Variants in DOCK10 observed in about 807,000 individuals in gnomAD.
The protein encoded by DOCK10 is dedicator of cytokinesis 10.
A neutral mutation model predicts 280.1 loss-of-function variants in DOCK10; 145 were observed. The observed-to-expected ratio is 0.52, with a 90% confidence interval of 0.45 to 0.59. The LOEUF (loss-of-function observed/expected upper bound fraction) is 0.59, where lower values mean the gene tolerates loss of function less well. Among genes scored for constraint, DOCK10 ranks in the 20% least tolerant of loss-of-function variants. DOCK10 has a pLI of 0.00. For synonymous variants in DOCK10, 915 were observed against 942.2 expected, an observed-to-expected ratio of 0.97 and a Z score of 0.53; for missense variants, 2,368 against 2,651.7, an observed-to-expected ratio of 0.89 and a Z score of 2.35.
At chr2:224,912,923 G>A (rs1459069457) in intron 3 of DOCK10, among the ~76,000 whole-genome samples, 2 of 152,130 alleles carry the variant, frequency 1.3e-5, no homozygotes, top group African/African-American at 4.8e-5. Flanking sequence ...CTACTTGGGA[G>A]GCTAAAGCAG....
intron 11 of DOCK10, 39 bp from the exon 12 acceptor site, chr2:224,865,126 A>G: frequency 6.3e-7 from 1 of 1,587,198 alleles, no homozygotes. Context: ...TTGATATAAA[A>G]TCATTATCCA....
Position 224,787,314 on chromosome 2 carries a change from C to G in DOCK10, c.5502G>C (p.Lys1834Asn), listed in dbSNP as rs1691801359. The change falls in exon 49 of 56, where the codon AAG (lysine) becomes AAC (asparagine). Residue 1834 changes from lysine to asparagine, a missense_variant. By Grantham distance (94) the Lys-to-Asn change is moderately conservative. Around this residue, in one of 2 missense-constraint regions of DOCK10, gnomAD observed 1,159 missense variants for 1,400.8 expected, o/e 0.83. Coordinates refer to ENST00000258390, the MANE Select transcript of DOCK10 (RefSeq NM_014689.3). ...ERYELIADVN[K>N]PIIAVFEKQR... ...GTTTCTCAAAGACAGCAATGATGGG[C>G]TTGTTGACATCAGCAATGAGTTCAT... 6.2e-7 allele frequency: 1 copy of G among 1,613,846 alleles called. No individual in the cohort carries two copies. Among genetic ancestry groups the G allele is most frequent in the Admixed American group, 1.7e-5 (1 of 60,004 alleles).
intron 1 of DOCK10, among the ~76,000 whole-genome samples, chr2:225,020,368 T>A (rs1373600967): frequency 6.6e-6 from 1 of 152,290 alleles, no homozygotes; most frequent in Non-Finnish European, 1.5e-5. Context: ...TAAAATGTGG[T>A]GAACACACTG....
intron 25 of DOCK10, among the ~76,000 whole-genome samples, chr2:224,836,057 C>T (rs767265440): frequency 3.3e-5 from 5 of 152,148 alleles, no homozygotes; most frequent in Admixed American, 1.3e-4. Flanking sequence ...GTCACAACAC[C>T]GGAGGGTTCT....
At chr2:224,843,068 G>A (rs768658420) in intron 22 of DOCK10, among the ~76,000 whole-genome samples, 27 of 152,160 alleles carry the variant, frequency 1.8e-4, no homozygotes, top group Admixed American at 3.9e-4. Flanking sequence ...GCCACGGTGC[G>A]GGTGGGGGTG....
intron 1 of DOCK10, among the ~76,000 whole-genome samples, chr2:224,966,679 G>C (rs1426067505): frequency 1.3e-5 from 2 of 152,114 alleles, no homozygotes; most frequent in East Asian, 3.9e-4. Flanking sequence ...AGAAAGAGGG[G>C]AATAACTCTC....
At chr2:224,800,100 TC>T (rs1692877355) in intron 41 of DOCK10, 50 bp downstream of exon 41, 2 of 1,118,040 alleles carry the variant, frequency 1.8e-6, no homozygotes, top group Non-Finnish European at 2.6e-6. Flanking sequence ...ACATGGTTTT[TC>T]TACCTCATAT....
chr2:224,893,831 A>T (rs1268072776), intron 4 of DOCK10, among the ~76,000 whole-genome samples: 1 of 152,198 alleles, frequency 6.6e-6, no homozygotes, highest in Non-Finnish European at 1.5e-5. Context: ...AATTCTTCTA[A>T]TCCAGGAGGT....
chr2:224,956,426 C>A (rs1383661381), intron 1 of DOCK10, among the ~76,000 whole-genome samples: 1 of 152,006 alleles, frequency 6.6e-6, no homozygotes, highest in Non-Finnish European at 1.5e-5. Context: ...GAGTTCGAGA[C>A]CAGATTGGCC....
In DOCK10 at chr2:224,916,801, A is replaced by G; in HGVS notation, c.244-17T>C. 1.3e-6 allele frequency: 2 copies of G among 1,595,756 alleles called. No homozygotes were observed. The highest frequency in any genetic ancestry group is 1.7e-6 in the Non-Finnish European group (2 of 1,168,874). On this transcript the variant is annotated splice_polypyrimidine_tract_variant and intron_variant, in intron 2 of 55. Coordinates refer to ENST00000258390, the MANE Select transcript of DOCK10 (RefSeq NM_014689.3). Reference sequence around the variant, plus strand: ...TGTGGCTGCCTGAAACGAACAATGAAAAGAAATTGAGTCCTCCGGCTTAGA... The same window carrying G: ...TGTGGCTGCCTGAAACGAACAATGAGAAGAAATTGAGTCCTCCGGCTTAGA...
chr2:224,907,557 G>A (rs904677672), intron 3 of DOCK10, among the ~76,000 whole-genome samples: 3 of 151,948 alleles, frequency 2.0e-5, no homozygotes, highest in Non-Finnish European at 4.4e-5. Context: ...GTGTGGTGGC[G>A]GGCCCCTGTA....
chr2:224,952,249 T>C (rs1376659068), intron 1 of DOCK10, among the ~76,000 whole-genome samples: 1 of 152,226 alleles, frequency 6.6e-6, no homozygotes, highest in Non-Finnish European at 1.5e-5. Flanking sequence ...TCTCGAATTT[T>C]GTATGCGTGT....
At chr2:224,831,404 C>T (rs1050872485) in intron 26 of DOCK10, among the ~76,000 whole-genome samples, 30 of 152,312 alleles carry the variant, frequency 2.0e-4, no homozygotes, top group African/African-American at 7.0e-4. Context: ...AACTTCATAA[C>T]ACCTTGGAAT....
At chr2:224,967,184 A>G (rs1468014527) in intron 1 of DOCK10, among the ~76,000 whole-genome samples, 1 of 149,748 alleles carries the variant, frequency 6.7e-6, no homozygotes, top group Non-Finnish European at 1.5e-5. Flanking sequence ...GGTTCACGCC[A>G]TTCTTCTGCC....
At chr2:224,794,801 C>T in intron 45 of DOCK10, 78 bp downstream of exon 45, 5 of 1,384,008 alleles carry the variant, frequency 3.6e-6, no homozygotes, top group Non-Finnish European at 5.1e-6. Flanking sequence ...TTTTCTAGTC[C>T]ATGCTGTAAA....
At chr2:225,025,982 A>G (rs578039486) in intron 1 of DOCK10, among the ~76,000 whole-genome samples, 52 of 152,282 alleles carry the variant, frequency 3.4e-4, no homozygotes, top group Non-Finnish European at 5.9e-4. Flanking sequence ...TTATGGAAAT[A>G]CAGAAGAGGA....
rs1691711648 is a variant in DOCK10 at position 224,786,077 on chromosome 2, T to C, written c.5655+945A>G. Among the ~76,000 whole-genome samples, 1 of 152,080 alleles carries C rather than the reference T, an allele frequency of 6.6e-6. No homozygotes were observed. Among genetic ancestry groups the C allele is most frequent in the South Asian group, 2.1e-4 (1 of 4,828 alleles). ...TGGGCATGGTGGCACCTGCCTGTAA[T>C]CCCAGCTACTCGGGAGGCTGAGGCA... On this transcript the variant is annotated intron_variant, in intron 50 of 55. Transcript: ENST00000258390. This position sits in a 1 kb window ranked among gnomAD's most constrained non-coding sequence, Gnocchi z 4.7.
intron 3 of DOCK10, among the ~76,000 whole-genome samples, chr2:224,903,253 A>G (rs1700411652): frequency 6.6e-6 from 1 of 152,264 alleles, no homozygotes. Flanking sequence ...TAATAGATCT[A>G]ATTTAACTGA....
chr2:225,013,861 C>CGTGT (rs144461371), intron 1 of DOCK10, among the ~76,000 whole-genome samples: 1 of 149,746 alleles, frequency 6.7e-6, no homozygotes, highest in African/African-American at 2.4e-5. Context: ...CTGGGGTGTG[C>CGTGT]GTGTGTGTGT....
Sources: allele counts gnomAD v4.1 joint callset (sites outside exome capture counted in the v4.1 genomes callset), GRCh38; gene constraint gnomAD v4.1.1; regional missense constraint gnomAD v4.1.1; non-coding constraint Gnocchi (gnomAD v3.1); transcripts MANE v1.5; gene names NCBI Gene and HGNC (gene_info 2026-07-23, HGNC 2026-07-21).